Variants in DIAPH2 observed in about 807,000 individuals in gnomAD.
DIAPH2 encodes the protein diaphanous related formin 2, also known as protein diaphanous homolog 2.
DIAPH2 carries 35 observed loss-of-function variants against 92.7 expected under a neutral mutation model. The observed-to-expected ratio is 0.38, with a 90% CI of 0.29 to 0.50. The LOEUF (loss-of-function observed/expected upper bound fraction) is 0.50, where lower values mean the gene tolerates loss of function less well. Among genes scored for constraint, DIAPH2 ranks in the 20% least tolerant of loss-of-function variants. The pLI is 0.94. For missense variants in DIAPH2, 701 were observed against 819.5 expected, an observed-to-expected ratio of 0.86 and a Z score of 1.77; for synonymous variants, 301 against 280.4, an observed-to-expected ratio of 1.07 and a Z score of -0.73.
rs1209334478 is a variant in DIAPH2 at position 97,495,890 on chromosome X, CT to C, written c.3241+66148del. ...GAATGACCATTTCTGGAGAGTTTTA[CT>C]TTGATATGTTAGCACATCATTACCT... is the stretch of plus-strand genomic sequence containing the variant. On this transcript the variant is annotated intron_variant, in intron 26 of 26. Coordinates refer to ENST00000324765, the MANE Select transcript of DIAPH2 (RefSeq NM_006729.5). Among the ~76,000 whole-genome samples, 9 of 111,456 alleles carry C rather than the reference CT, an allele frequency of 8.1e-5. No individual in the cohort carries two copies. In the Admixed American group the frequency reaches 8.6e-4, roughly 11 times the overall value.
At chrX:96,695,890 A>G (rs2063822730) in intron 1 of DIAPH2, among the ~76,000 whole-genome samples, 1 of 111,597 alleles carries the variant, frequency 9.0e-6, no homozygotes, top group African/African-American at 3.3e-5. Flanking sequence ...AGCATTTCCT[A>G]TCCTCACTCA....
intron 4 of DIAPH2, among the ~76,000 whole-genome samples, chrX:96,872,615 C>T (rs757454782): frequency 8.3e-5 from 9 of 108,504 alleles, no homozygotes; most frequent in Non-Finnish European, 1.3e-4. Context: ...CCTCAGCCTC[C>T]CGAGTATCTG....
chrX:96,811,103 T>A (rs2064676373), intron 4 of DIAPH2, among the ~76,000 whole-genome samples: 1 of 111,998 alleles, frequency 8.9e-6, no homozygotes, highest in Non-Finnish European at 1.9e-5. Flanking sequence ...ATAAATTACC[T>A]TGGGCAGTAT....
At chrX:96,899,286 G>A (rs1208235064) in intron 5 of DIAPH2, among the ~76,000 whole-genome samples, 38 of 109,381 alleles carry the variant, frequency 3.5e-4, no homozygotes, top group Middle Eastern at 4.7e-3. Flanking sequence ...AGCTTGATGG[G>A]GATGGCATTG....
chrX:97,427,930 A>C (rs1047844703), intron 25 of DIAPH2, among the ~76,000 whole-genome samples: 31 of 110,324 alleles, frequency 2.8e-4, no homozygotes, highest in African/African-American at 9.9e-4. Flanking sequence ...CAAGTGAGCC[A>C]CCTGCCTCAG....
chrX:96,753,615 T>G (rs1474133601), intron 3 of DIAPH2, among the ~76,000 whole-genome samples: 1 of 112,277 alleles, frequency 8.9e-6, no homozygotes, highest in Non-Finnish European at 1.9e-5. Flanking sequence ...CTCTAGTCAC[T>G]TAAATTACTT....
chrX:97,005,595 A>G, intron 17 of DIAPH2, among the ~76,000 whole-genome samples: 1 of 111,169 alleles, frequency 9.0e-6, no homozygotes, highest in Non-Finnish European at 1.9e-5. Context: ...GCTGGAGTGC[A>G]GTGGCGTGAT....
At chrX:97,457,392 T>C (rs1183027927) in intron 26 of DIAPH2, among the ~76,000 whole-genome samples, 1 of 113,008 alleles carries the variant, frequency 8.8e-6, no homozygotes, top group Admixed American at 9.3e-5. Flanking sequence ...GTTAAGTCTC[T>C]TTTTAACAAT....
chrX:96,743,192 A>C (rs1383755053), intron 3 of DIAPH2, among the ~76,000 whole-genome samples: 16 of 111,867 alleles, frequency 1.4e-4, no homozygotes, highest in African/African-American at 5.2e-4. Context: ...TTTTTCTTCC[A>C]TGGGAATTTT....
chrX:96,989,911 A>G (rs955668863), intron 17 of DIAPH2, among the ~76,000 whole-genome samples: 3 of 112,203 alleles, frequency 2.7e-5, no homozygotes, highest in African/African-American at 9.7e-5. Context: ...TGACATCGTA[A>G]TAGTTATTTT....
At chrX:96,991,546 T>TTG (rs1406193015) in intron 17 of DIAPH2, among the ~76,000 whole-genome samples, 2 of 106,811 alleles carry the variant, frequency 1.9e-5, no homozygotes, top group East Asian at 2.9e-4. Context: ...GGTGTTTTTT[T>TTG]TTTTTTTTTT....
chrX:97,411,374 G>A (rs1195182402), intron 25 of DIAPH2, among the ~76,000 whole-genome samples: 1 of 111,840 alleles, frequency 8.9e-6, no homozygotes, highest in Non-Finnish European at 1.9e-5. Context: ...GTCACCACCA[G>A]CCTGCCTTAC....
At chrX:97,567,366 T>C (rs1283521316) in intron 26 of DIAPH2, among the ~76,000 whole-genome samples, 1 of 112,376 alleles carries the variant, frequency 8.9e-6, no homozygotes, top group Non-Finnish European at 1.9e-5. Flanking sequence ...TTATTCTGCC[T>C]CCCTACCTTT....
At chrX:97,428,025 G>C (rs1304134688) in intron 25 of DIAPH2, among the ~76,000 whole-genome samples, 1 of 110,199 alleles carries the variant, frequency 9.1e-6, no homozygotes, top group African/African-American at 3.3e-5. Flanking sequence ...CCCTTTCCAT[G>C]TTTACTCAAT....
At chrX:96,873,640 A>G (rs1236751586) in intron 4 of DIAPH2, among the ~76,000 whole-genome samples, 11 of 65,878 alleles carry the variant, frequency 1.7e-4, no homozygotes, top group Non-Finnish European at 5.2e-5. Flanking sequence ...AGAAATGCGT[A>G]TATATATACA....
In DIAPH2 at chrX:97,321,838, C is replaced by T. The variant is rs755432109; in HGVS notation, c.2845-26278C>T. 1.1e-4 allele frequency among the ~76,000 whole-genome samples: 12 copies of T among 111,447 alleles called. No homozygotes were observed. The East Asian group carries it at 2.5e-3, about 23-fold the overall frequency. On this transcript the variant is annotated intron_variant, in intron 23 of 26. Transcript: ENST00000324765. ...TGCTGGGATTACAGGCGTGAGCCAC[C>T]GCGCCCGGCCATGTATGTGTCTTAA...
At chrX:97,405,561 T>C (rs2069800950) in intron 25 of DIAPH2, among the ~76,000 whole-genome samples, 1 of 111,917 alleles carries the variant, frequency 8.9e-6, no homozygotes, top group Non-Finnish European at 1.9e-5. Flanking sequence ...AAATCCATGC[T>C]TTTCAAGTAA....
intron 24 of DIAPH2, among the ~76,000 whole-genome samples, chrX:97,377,945 C>G (rs1318105246): frequency 9.5e-6 from 1 of 104,743 alleles, no homozygotes; most frequent in Non-Finnish European, 2.0e-5. Context: ...CTGAAAGAAA[C>G]AATTTAAAAA....
intron 22 of DIAPH2, among the ~76,000 whole-genome samples, chrX:97,158,290 A>G (rs777805563): frequency 2.7e-5 from 3 of 112,490 alleles, no homozygotes; most frequent in Non-Finnish European, 5.6e-5. Context: ...ATTGTCCCAT[A>G]AGTAGTTTCC....
Sources: gnomAD v4.1 joint callset for allele counts (sites outside exome capture counted in the v4.1 genomes callset) on GRCh38, gnomAD v4.1.1 for gene constraint, MANE v1.5 for transcripts, NCBI Gene and HGNC (gene_info 2026-07-23, HGNC 2026-07-21) for gene names.